SMPD4: variants seen among roughly 807,000 people sequenced by gnomAD.
SMPD4 encodes the protein sphingomyelin phosphodiesterase 4.
SMPD4 carries 58 observed loss-of-function variants against 97.8 expected under a neutral mutation model. That is an observed-to-expected ratio of 0.59 (90% CI 0.48 to 0.74). The LOEUF (loss-of-function observed/expected upper bound fraction) is 0.74. SMPD4 is among the 30% of genes least tolerant of loss of function. SMPD4 has a pLI of 0.00. For missense variants in SMPD4, 853 were observed against 1,080.5 expected, an observed-to-expected ratio of 0.79 and a Z score of 2.95; for synonymous variants, 388 against 450.0, an observed-to-expected ratio of 0.86 and a Z score of 1.74.
intron 8 of SMPD4, among the ~76,000 whole-genome samples, chr2:130,168,407 A>G (rs1688126320): frequency 6.6e-6 from 1 of 152,148 alleles, no homozygotes; most frequent in South Asian, 2.1e-4. Context: ...CTGGGGTAAG[A>G]GAACAAGACC....
Position 130,153,133 on chromosome 2 carries a change from C to T in SMPD4, c.2064G>A (p.Gln688=), listed in dbSNP as rs1558737324. 2 of 1,613,914 alleles carry T rather than the reference C, an allele frequency of 1.2e-6. No homozygotes were observed. The highest frequency in any genetic ancestry group is 2.2e-5 in the East Asian group (1 of 44,872). The part of the protein sequence containing the change: ...NGLRRFEIEY[Q]GDPELQPIRS... ...GGATGGGCTGCAGCTCCGGGTCCCC[C>T]TGGTACTCAATTTCAAACCTTCGCA... The change falls in exon 19 of 20, where the codon CAG becomes CAA. Residue 688 remains glutamine (Q), a synonymous_variant. Coordinates refer to ENST00000680298, the MANE Select transcript of SMPD4 (RefSeq NM_017951.5).
upstream of SMPD4, chr2:130,181,742 A>T: frequency 6.5e-7 from 1 of 1,547,934 alleles, no homozygotes; most frequent in Non-Finnish European, 8.7e-7. Context: ...AGTGCGGGGG[A>T]GGGAGTGGTC....
intron 8 of SMPD4, among the ~76,000 whole-genome samples, chr2:130,167,834 G>A (rs1200377360): frequency 2.0e-5 from 3 of 152,174 alleles, no homozygotes; most frequent in Admixed American, 6.5e-5. Flanking sequence ...CAATGAAGGA[G>A]GGATGAAGTT....
chr2:130,181,741 G>C, upstream of SMPD4: 2 of 1,548,628 alleles, frequency 1.3e-6, no homozygotes, highest in Non-Finnish European at 8.7e-7. Context: ...GAGTGCGGGG[G>C]AGGGAGTGGT....
intron 1 of SMPD4, among the ~76,000 whole-genome samples, chr2:130,181,079 C>T (rs1157482940): frequency 1.3e-5 from 2 of 152,182 alleles, no homozygotes; most frequent in African/African-American, 4.8e-5. Flanking sequence ...CCCTTAACAG[C>T]ACGCGCCCAC....
At chr2:130,160,659 G>C (rs1687305407) in intron 11 of SMPD4, among the ~76,000 whole-genome samples, 1 of 145,828 alleles carries the variant, frequency 6.9e-6, no homozygotes. Context: ...TGGGCTATAG[G>C]GTCAAGCCCC....
chr2:130,157,720 G>A (rs537449742), intron 11 of SMPD4: 13 of 379,900 alleles, frequency 3.4e-5, no homozygotes, highest in South Asian at 5.3e-5. Flanking sequence ...CTGCAAATCC[G>A]CAGCGGGTGG....
rs1689639342 is a variant in SMPD4 at position 130,181,530 on chromosome 2, C to T, written c.-46G>A. On this transcript the variant is annotated splice_region_variant and 5_prime_UTR_variant, in exon 1 of 20. The change creates a new upstream start codon in the 5' untranslated region. Coordinates refer to ENST00000680298, the MANE Select transcript of SMPD4 (RefSeq NM_017951.5). ...CAGGCGCGCATCCCGCGCCACTCAC[C>T]TGTGGGATCCATAGCGTCGCTCGCC... 3 of 1,603,422 alleles carry T rather than the reference C, an allele frequency of 1.9e-6. No individual in the cohort carries two copies. The African/African-American group carries it at 4.0e-5, about 21-fold the overall frequency.
At chr2:130,163,506 C>T (rs1239938023) in intron 10 of SMPD4, among the ~76,000 whole-genome samples, 9 of 152,212 alleles carry the variant, frequency 5.9e-5, no homozygotes, top group Non-Finnish European at 1.0e-4. Flanking sequence ...TGAAGTTTAA[C>T]TCCATCACCC....
At chr2:130,172,919 T>C in intron 5 of SMPD4, 24 bp from the exon 6 acceptor site, 2 of 1,597,262 alleles carry the variant, frequency 1.3e-6, no homozygotes, top group Non-Finnish European at 1.7e-6. Context: ...CAGTGAGGCT[T>C]GTGGGCAGGT....
At chr2:130,156,770 G>T (rs1473210904) in intron 12 of SMPD4, 95 bp from the exon 13 acceptor site, 1 of 1,554,650 alleles carries the variant, frequency 6.4e-7, no homozygotes. Context: ...GGTTGGCTCC[G>T]CCGGGGGAGA....
chr2:130,172,438 C>T lies in SMPD4; in HGVS notation c.570G>A (p.Arg190=), dbSNP rs143450222. Residue 190 remains arginine, a synonymous_variant, in exon 8 of 20, where the codon AGG becomes AGA. Coordinates refer to ENST00000680298, the MANE Select transcript of SMPD4 (RefSeq NM_017951.5). ...CGGTGGGCAGGAACCATGACAGGTA[C>T]CTGTCCACCAGGATGAAATAGGCAC... ...SDCAYFILVD[R]YLSWFLPTEG... 978 of 1,612,432 alleles carry T rather than the reference C, an allele frequency of 6.1e-4. 2 individuals carry two copies. Among genetic ancestry groups the T allele is most frequent in the Non-Finnish European group, 7.6e-4 (900 of 1,179,204 alleles).
At chr2:130,176,725 T>C (rs1396444180) in intron 1 of SMPD4, 88 bp from the exon 2 acceptor site, 33 of 1,110,822 alleles carry the variant, frequency 3.0e-5, no homozygotes, top group Middle Eastern at 2.2e-4. Context: ...TCTTGTTCTG[T>C]TGCCCAGGCT....
At chr2:130,180,614 G>A (rs1017607633) in intron 1 of SMPD4, among the ~76,000 whole-genome samples, 2 of 152,138 alleles carry the variant, frequency 1.3e-5, no homozygotes, top group Non-Finnish European at 2.9e-5. Context: ...AAAGAAAAAC[G>A]CCTCAGTCCT....
chr2:130,172,587 G>T lies in SMPD4; in HGVS notation c.507+38C>A, dbSNP rs575014014. ...CAAGTGCAGGGAAGCCCTGGGCCGTGGCCCCACCTCTCCCAGCAAAAGGCA... is the reference window on the plus strand; with the variant it reads ...CAAGTGCAGGGAAGCCCTGGGCCGTTGCCCCACCTCTCCCAGCAAAAGGCA... On this transcript the variant is annotated intron_variant, in intron 7 of 19. Coordinates refer to ENST00000680298, the MANE Select transcript of SMPD4 (RefSeq NM_017951.5). 4.7e-5 allele frequency: 76 copies of T among 1,613,886 alleles called. No individual in the cohort carries two copies. In the South Asian group the frequency reaches 7.8e-4, roughly 17 times the overall value.
At chr2:130,170,128 C>T (rs560231819) in intron 8 of SMPD4, among the ~76,000 whole-genome samples, 1 of 152,258 alleles carries the variant, frequency 6.6e-6, no homozygotes, top group African/African-American at 2.4e-5. Flanking sequence ...ATGATTGTGC[C>T]ACCAAGTGAT....
chr2:130,167,720 T>C, intron 8 of SMPD4, 130 bp from the exon 9 acceptor site: 2 of 937,098 alleles, frequency 2.1e-6, no homozygotes, highest in Admixed American at 2.9e-5. Flanking sequence ...AATAGCACAA[T>C]GCACACCTCC....
intron 3 of SMPD4, among the ~76,000 whole-genome samples, chr2:130,173,989 T>C (rs1688731251): frequency 6.6e-6 from 1 of 151,150 alleles, no homozygotes; most frequent in Non-Finnish European, 1.5e-5. Flanking sequence ...AAACAAACAA[T>C]GAAAATAAAA....
At chr2:130,172,532 T>C (rs1318631877) in intron 7 of SMPD4, 32 bp from the exon 8 acceptor site, 3 of 1,613,096 alleles carry the variant, frequency 1.9e-6, no homozygotes. Context: ...TAGCATGGGC[T>C]CTGGACACTG....
Sources: gnomAD v4.1 joint callset for allele counts (sites outside exome capture counted in the v4.1 genomes callset) on GRCh38, gnomAD v4.1.1 for gene constraint, MANE v1.5 for transcripts, NCBI Gene and HGNC (gene_info 2026-07-23, HGNC 2026-07-21) for gene names.